ZNF44: variants seen among roughly 807,000 people sequenced by gnomAD.
ZNF44 encodes zinc finger protein 44.
ZNF44 carries 9 observed loss-of-function variants against 11.7 expected under a neutral mutation model. The ratio of observed to expected loss-of-function variants is 0.77; its 90% CI spans 0.46 to 1.35. ZNF44 has a LOEUF of 1.35. Among genes scored for constraint, ZNF44 ranks in the 40% most tolerant of loss-of-function variants. The pLI is 0.00. For synonymous variants in ZNF44, 224 were observed against 242.7 expected, an observed-to-expected ratio of 0.92 and a Z score of 0.72; for missense variants, 696 against 743.1, an observed-to-expected ratio of 0.94 and a Z score of 0.74.
At chr19:12,235,425 CTA>C (rs1334605374) in intron 1 of ZNF44, among the ~76,000 whole-genome samples, 1 of 152,076 alleles carries the variant, frequency 6.6e-6, no homozygotes, top group Non-Finnish European at 1.5e-5. Context: ...TACAATCTTT[CTA>C]TAAAATACAA....
Position 12,272,695 on chromosome 19 carries a change from T to C in ZNF44, c.1560A>G (p.Lys520=). ...CTGCCGTGTGAGTCCTTTCATGAGT[T>C]TTTAAGTAACTGAAACGACTGAAGG... is the stretch of plus-strand genomic sequence containing the variant. The part of the protein sequence containing the change: ...GKAFSRFSYL[K]THERTHTAEK... The change falls in exon 4 of 4, where the codon AAA becomes AAG. Residue 520 remains lysine, a synonymous_variant. Transcript: ENST00000355684. 6.2e-7 allele frequency: 1 copy of C among 1,613,652 alleles called. No individual in the cohort carries two copies.
chr19:12,292,801 C>T (rs1378063087), intron 1 of ZNF44, among the ~76,000 whole-genome samples: 5 of 150,924 alleles, frequency 3.3e-5, no homozygotes, highest in African/African-American at 1.2e-4. Flanking sequence ...CCATGCGTCA[C>T]CAAGGAATGG....
downstream of ZNF44, among the ~76,000 whole-genome samples, chr19:12,225,432 T>C (rs1915874720): frequency 6.6e-6 from 1 of 152,222 alleles, no homozygotes; most frequent in Non-Finnish European, 1.5e-5. Flanking sequence ...CTTAGCTTTT[T>C]AGCTTGTTTT....
intron 1 of ZNF44, among the ~76,000 whole-genome samples, chr19:12,277,317 G>T (rs957114012): frequency 3.9e-5 from 6 of 152,086 alleles, no homozygotes; most frequent in Non-Finnish European, 5.9e-5. Flanking sequence ...CAACTAAATA[G>T]AAAAAATTGT....
intron 5 of ZNF44, among the ~76,000 whole-genome samples, chr19:12,252,739 A>C (rs1917059923): frequency 6.6e-6 from 1 of 152,120 alleles, no homozygotes; most frequent in Non-Finnish European, 1.5e-5. Context: ...GTGTAAAAAA[A>C]AAAAGTATAA....
At position 12,273,860 on chromosome 19, in the gene ZNF44, T is replaced by G; in HGVS notation, c.395A>C (p.Glu132Ala). The change falls in exon 4 of 4, where the codon GAG becomes GCG. Residue 132 changes from glutamate to alanine, a missense_variant. Glu to Ala is a moderately radical substitution (Grantham distance 107). Transcript: ENST00000355684. ...IRVDTGHKHR[E>A]CHEYAEKSYT... ...TGACTTCTCTGCATATTCATGACAC[T>G]CCCGGTGTTTGTGTCCAGTATCAAC... is the stretch of plus-strand genomic sequence containing the variant. 1.2e-6 allele frequency: 2 copies of G among 1,614,162 alleles called. No individual in the cohort carries two copies. Among genetic ancestry groups the G allele is most frequent in the South Asian group, 2.2e-5 (2 of 91,080 alleles).
downstream of ZNF44, among the ~76,000 whole-genome samples, chr19:12,270,957 T>C (rs1966928622): frequency 6.6e-6 from 1 of 152,120 alleles, no homozygotes; most frequent in African/African-American, 2.4e-5. Context: ...CCAAGACTGA[T>C]ACAGCAGTCA....
downstream of ZNF44, chr19:12,271,774 A>G (rs1012222719): frequency 6.6e-6 from 1 of 152,174 alleles, no homozygotes; most frequent in South Asian, 2.1e-4. Flanking sequence ...TTTTTTTCTT[A>G]TGATTCCCTA....
intron 1 of ZNF44, among the ~76,000 whole-genome samples, chr19:12,292,995 A>G (rs1968082658): frequency 6.7e-6 from 1 of 149,922 alleles, no homozygotes; most frequent in African/African-American, 2.5e-5. Flanking sequence ...TCAGCCTCCC[A>G]TGTAGCTGGG....
chr19:12,228,614 G>C (rs1446170647), intron 3 of ZNF44, among the ~76,000 whole-genome samples: 1 of 151,990 alleles, frequency 6.6e-6, no homozygotes, highest in Non-Finnish European at 1.5e-5. Context: ...TTTCTGACTT[G>C]TTGTAAACAT....
chr19:12,287,339 C>T (rs191242533), intron 1 of ZNF44, among the ~76,000 whole-genome samples: 2,953 of 152,128 alleles, frequency 0.019, 40 homozygotes, highest in Non-Finnish European at 0.032. Flanking sequence ...CTCAGCCTCC[C>T]GAGTAGCTGG....
At chr19:12,258,331 CAAAAAAA>C (rs145891891) in intron 5 of ZNF44, among the ~76,000 whole-genome samples, 3 of 41,006 alleles carry the variant, frequency 7.3e-5, no homozygotes, top group African/African-American at 1.8e-4. Flanking sequence ...GATCTTGTCT[CAAAAAAA>C]AAAAAAAAAA....
chr19:12,255,135 C>CCTTT (rs1053757621), intron 5 of ZNF44, among the ~76,000 whole-genome samples: 1 of 150,798 alleles, frequency 6.6e-6, no homozygotes, highest in Non-Finnish European at 1.5e-5. Flanking sequence ...CACACACACC[C>CCTTT]CTTTGTGGGA....
intron 5 of ZNF44, among the ~76,000 whole-genome samples, chr19:12,258,148 A>T (rs947802536): frequency 3.2e-5 from 4 of 125,130 alleles, no homozygotes; most frequent in Non-Finnish European, 6.5e-5. Flanking sequence ...ACATAGTGAG[A>T]TCTCATCTCT....
At chr19:12,236,347 T>G (rs1445416628) in intron 1 of ZNF44, among the ~76,000 whole-genome samples, 1 of 152,194 alleles carries the variant, frequency 6.6e-6, no homozygotes, top group Non-Finnish European at 1.5e-5. Context: ...ATGGCTATAG[T>G]GCCCTGAGTT....
intron 1 of ZNF44, among the ~76,000 whole-genome samples, chr19:12,236,386 A>C (rs892836299): frequency 2.0e-5 from 3 of 152,232 alleles, no homozygotes; most frequent in African/African-American, 7.2e-5. Flanking sequence ...AATCGGACAC[A>C]AATGTAGCTT....
At chr19:12,228,207 AAC>A (rs1916002028) in intron 3 of ZNF44, among the ~76,000 whole-genome samples, 2 of 147,812 alleles carry the variant, frequency 1.4e-5, no homozygotes, top group South Asian at 4.2e-4. Flanking sequence ...ACAATTGTTT[AAC>A]TTTTTAATGT....
chr19:12,258,185 A>AAAAAT (rs1327464288), intron 5 of ZNF44, among the ~76,000 whole-genome samples: 2 of 142,092 alleles, frequency 1.4e-5, no homozygotes, highest in African/African-American at 2.7e-5. Flanking sequence ...AAAAAAAAAA[A>AAAAAT]TTAGCTGAGC....
At chr19:12,270,305 T>C (rs1478087274), downstream of ZNF44, among the ~76,000 whole-genome samples, 1 of 152,118 alleles carries the variant, frequency 6.6e-6, no homozygotes, top group Non-Finnish European at 1.5e-5. Flanking sequence ...GCAAAGCTCA[T>C]GTTCAATACA....
Sources: allele counts gnomAD v4.1 joint callset (sites outside exome capture counted in the v4.1 genomes callset), GRCh38; gene constraint gnomAD v4.1.1; transcripts MANE v1.5; gene names NCBI Gene and HGNC (gene_info 2026-07-23, HGNC 2026-07-21).